Variants in NOC2L observed in about 807,000 individuals in gnomAD.
NOC2L encodes the protein NOC2 like nucleolar associated transcriptional repressor, also known as nucleolar complex protein 2 homolog.
Under a neutral mutation model 94.2 loss-of-function variants are expected in NOC2L, and 101 were observed. That is an observed-to-expected ratio of 1.07 (90% confidence interval 0.91 to 1.26). The LOEUF is 1.26. Among genes scored for constraint, NOC2L ranks in the 50% most tolerant of loss-of-function variants. The pLI is 0.00. For synonymous variants in NOC2L, 531 were observed against 413.4 expected (o/e 1.28, Z -3.45); for missense variants, 1,076 against 980.1 (o/e 1.10, Z -1.31).
At chr1:947,423 A>G (rs2340582) in intron 14 of NOC2L, among the ~76,000 whole-genome samples, 142,260 of 152,300 alleles carry the variant, frequency 0.93, 66,470 homozygotes, top group Non-Finnish European at 0.95. Flanking sequence ...CCTCTGACCA[A>G]TTGTGGCTCA....
Position 955,926 on chromosome 1 carries a change from C to T in NOC2L, c.695G>A (p.Ser232Asn), listed in dbSNP as rs1311726004. 1 of 1,598,384 alleles carries T rather than the reference C, an allele frequency of 6.3e-7. No individual in the cohort carries two copies. Among genetic ancestry groups the T allele is most frequent in the East Asian group, 2.3e-5 (1 of 44,386 alleles). ...CCTTCACCCCCTCCCCTCTTACCTG[C>T]TGCTATCCTTTGCCACCTTTCCAAA... is the stretch of plus-strand genomic sequence containing the variant. ...LLFGKVAKDS[S>N]RMLQPSSSPL... Residue 232 changes from serine to asparagine, a missense_variant, in exon 6 of 19, where the codon AGC becomes AAC. Ser to Asn is a conservative substitution (Grantham distance 46). Coordinates refer to ENST00000327044, the MANE Select transcript of NOC2L (RefSeq NM_015658.4).
chr1:958,629 A>C (rs919397801), intron 2 of NOC2L: 1 of 603,708 alleles, frequency 1.7e-6, no homozygotes. Context: ...CCTCCCCAGC[A>C]CTTATCTCTC....
intron 8 of NOC2L, 50 bp downstream of exon 8, chr1:953,732 G>A (rs1642321997): frequency 4.4e-6 from 6 of 1,363,390 alleles, no homozygotes; most frequent in South Asian, 1.2e-5. Flanking sequence ...GGGTAGCCGT[G>A]TGGCCCCCCG....
chr1:946,108 T>C (rs546317140), intron 16 of NOC2L, 65 bp downstream of exon 16: 7 of 1,197,956 alleles, frequency 5.8e-6, no homozygotes, highest in South Asian at 1.3e-5. Flanking sequence ...TCTCAAGTCA[T>C]AGTGCGCTAG....
chr1:944,986 C>CG (rs1642054002), intron 18 of NOC2L, 71 bp downstream of exon 18: 2 of 1,605,784 alleles, frequency 1.2e-6, no homozygotes, highest in Non-Finnish European at 8.5e-7. Context: ...CCACGCCCCC[C>CG]GCCCACGTGG....
In NOC2L at chr1:948,545, T is replaced by C; in HGVS notation, c.1502A>G (p.Asn501Ser). 1 of 1,613,660 alleles carries C rather than the reference T, an allele frequency of 6.2e-7. No homozygotes were observed. The highest frequency in any genetic ancestry group is 8.5e-7 in the Non-Finnish European group (1 of 1,179,970). ...GGACAGCTTCAGGATCACGGAGAAGTTGATGGGCTTGGAGCTCATGCGCCC... is the reference window on the plus strand; with the variant it reads ...GGACAGCTTCAGGATCACGGAGAAGCTGATGGGCTTGGAGCTCATGCGCCC... ...KPGRMSSKPI[N>S]FSVILKLSNV... The change falls in exon 13 of 19, where the codon AAC becomes AGC. Residue 501 changes from asparagine to serine, a missense_variant. Coordinates refer to ENST00000327044, the MANE Select transcript of NOC2L (RefSeq NM_015658.4).
At chr1:945,180 C>A in intron 17 of NOC2L, 34 bp from the exon 18 acceptor site, 1 of 1,561,224 alleles carries the variant, frequency 6.4e-7, no homozygotes, top group South Asian at 1.2e-5. Context: ...ATATGACTCC[C>A]ACCCACAGGG....
In NOC2L at chr1:959,255, GC is replaced by G. The variant is rs1557625345; in HGVS notation, c.-16del. On this transcript the variant is annotated 5_prime_UTR_variant, in exon 1 of 19. Transcript: ENST00000327044. ...GCAGCTGCCATGACACCAACCCGAA[GC>G]GTGCACCCCACTTCCGGCCCCAGAA... 1.2e-6 allele frequency: 2 copies of G among 1,602,462 alleles called. No individual in the cohort carries two copies. Among genetic ancestry groups the G allele is most frequent in the Admixed American group, 3.4e-5 (2 of 58,996 alleles).
chr1:956,190 T>A lies in NOC2L; in HGVS notation c.512A>T (p.His171Leu). ...TGCTCGGAACGCCTGTACCACTTCATGGAACAGCTTTGGAGTGAGGCGTTG... is the reference window on the plus strand; with the variant it reads ...TGCTCGGAACGCCTGTACCACTTCAAGGAACAGCTTTGGAGTGAGGCGTTG... ...AKQRLTPKLF[H>L]EVVQAFRAAV... is the part of the protein sequence containing the mutation. The change falls in exon 5 of 19, where the codon CAT (histidine) becomes CTT (leucine). Residue 171 changes from histidine (H) to leucine (L), a missense_variant. By Grantham distance (99) the His-to-Leu change is moderately conservative (BLOSUM62 -3). This residue lies in a region of NOC2L where 457 missense variants were observed against 386.0 expected (regional missense o/e 1.18). Coordinates refer to ENST00000327044, the MANE Select transcript of NOC2L (RefSeq NM_015658.4). The A allele has an allele frequency of 6.2e-7, 1 of 1,613,790 alleles. No individual in the cohort carries two copies. The highest frequency in any genetic ancestry group is 1.1e-5 in the South Asian group (1 of 91,078).
intron 11 of NOC2L, 35 bp from the exon 12 acceptor site, chr1:951,273 G>T: frequency 2.0e-6 from 3 of 1,474,618 alleles, no homozygotes; most frequent in Non-Finnish European, 2.8e-6. Flanking sequence ...CAGAGGCCCC[G>T]GCTCTGGCAG....
chr1:954,171 T>C (rs935202782), intron 6 of NOC2L, 89 bp from the exon 7 acceptor site: 4 of 1,272,684 alleles, frequency 3.1e-6, no homozygotes, highest in Admixed American at 4.0e-5. Context: ...CTGGCCAGCA[T>C]AGCCTCTACG....
chr1:958,984 C>T lies in NOC2L; in HGVS notation c.124G>A (p.Glu42Lys), dbSNP rs1642501155. Reference sequence around the variant, plus strand: ...GGACTCCGGGCAGCCTCGCGTGCTTCCCGTGTCTCCGCTTGTGGAGAATTT... The same window carrying T: ...GGACTCCGGGCAGCCTCGCGTGCTTTCCGTGTCTCCGCTTGTGGAGAATTT... Reference protein sequence around the residue: ...SENSPQAETREAREAARSPDK... With the variant: ...SENSPQAETRKAREAARSPDK... Residue 42 changes from glutamate (E) to lysine (K), a missense_variant, in exon 2 of 19, where the codon GAA (glutamate) becomes AAA (lysine). Physicochemically the swap from Glu to Lys is moderately conservative, Grantham distance 56. Around this residue, in one of 3 missense-constraint regions of NOC2L, gnomAD observed 457 missense variants for 386.0 expected, o/e 1.18. Coordinates refer to ENST00000327044, the MANE Select transcript of NOC2L (RefSeq NM_015658.4). 6.2e-7 allele frequency: 1 copy of T among 1,612,804 alleles called. No homozygotes were observed. The highest frequency in any genetic ancestry group is 1.3e-5 in the African/African-American group (1 of 75,078).
rs915487000 is a variant in NOC2L, at chr1:944,405, T to A, written c.*289A>T. ...GGAAGGGGCCAGGGGCCTGCAGGCC[T>A]CCCCCTGGAACTGGGACTGGTCTCG... is the stretch of plus-strand genomic sequence containing the variant. On this transcript the variant is annotated 3_prime_UTR_variant, in exon 19 of 19. Transcript: ENST00000327044. 12 of 1,184,914 alleles carry A rather than the reference T, an allele frequency of 1.0e-5. No homozygotes were observed. The African/African-American group carries it at 1.9e-4, about 19-fold the overall frequency. The allele number at this position is 1,184,914 out of a possible 1,614,324, so 73.4% of individuals were successfully genotyped here.
intron 3 of NOC2L, 29 bp from the exon 4 acceptor site, chr1:957,054 G>C (rs377180320): frequency 6.2e-7 from 1 of 1,614,044 alleles, no homozygotes; most frequent in Non-Finnish European, 8.5e-7. Context: ...CTGAAGGAGA[G>C]TGTAGAGACA....
At chr1:955,385 G>A (rs902909213) in intron 6 of NOC2L, among the ~76,000 whole-genome samples, 1 of 152,210 alleles carries the variant, frequency 6.6e-6, no homozygotes, top group Admixed American at 6.5e-5. Flanking sequence ...GCACAGCCCC[G>A]GAACCCCAAC....
At position 948,169 on chromosome 1, in the gene NOC2L, T is replaced by C. The variant is rs149625280; in HGVS notation, c.1621A>G (p.Ile541Val). 613 of 1,592,874 alleles carry C rather than the reference T, an allele frequency of 3.8e-4. 5 individuals carry two copies. Among genetic ancestry groups the C allele is most frequent in the South Asian group, 2.9e-3 (258 of 87,742 alleles). Residue 541 changes from isoleucine to valine, a missense_variant, in exon 14 of 19, where the codon ATC (isoleucine) becomes GTC (valine). This residue lies in a region of NOC2L where 615 missense variants were observed against 577.4 expected (regional missense o/e 1.07). Coordinates refer to ENST00000327044, the MANE Select transcript of NOC2L (RefSeq NM_015658.4). ...LEYLHSQAHC[I>V]GFPELVLPVV... Reference sequence around the variant, plus strand: ...GGCAGCACCAGCTCCGGGAAGCCGATGCAGTGTGCCTGGCTGTGCAGGTAC... The same window carrying C: ...GGCAGCACCAGCTCCGGGAAGCCGACGCAGTGTGCCTGGCTGTGCAGGTAC...
rs762712585 is a variant in NOC2L at position 956,992 on chromosome 1, C to T, written c.388G>A (p.Gly130Arg). ...ASEEEDGAEEGEDGDRVPRGL... is the reference protein window; with the variant it reads ...ASEEEDGAEEREDGDRVPRGL... The stretch of plus-strand genomic sequence containing the variant: ...CTGGGGACTCTGTCCCCATCTTCTC[C>T]TTCCTCCGCTCCATCCTCCTCCTCA... Residue 130 changes from glycine (G) to arginine (R), a missense_variant, in exon 4 of 19, where the codon GGA (glycine) becomes AGA (arginine). Coordinates refer to ENST00000327044, the MANE Select transcript of NOC2L (RefSeq NM_015658.4). The T allele has an allele frequency of 3.1e-6, 5 of 1,614,112 alleles. No individual in the cohort carries two copies. In the South Asian group the frequency reaches 3.3e-5, roughly 11 times the overall value.
intron 3 of NOC2L, 27 bp from the exon 4 acceptor site, chr1:957,052 G>C (rs771998768): frequency 3.7e-6 from 6 of 1,614,058 alleles, no homozygotes; most frequent in South Asian, 2.2e-5. Context: ...AGCTGAAGGA[G>C]AGTGTAGAGA....
In NOC2L at chr1:957,152, C is replaced by T. The variant is rs764948090; in HGVS notation, c.301G>A (p.Asp101Asn). ...GGCCCCTCTTCCTCCTCAGAGCTGT[C>T]CGAGTCGCTGAAGTTTAGCAGGCTC... ...DQSLLNFSDS[D>N]SSEEEEGPFH... The change falls in exon 3 of 19, where the codon GAC (aspartate) becomes AAC (asparagine). Residue 101 changes from aspartate to asparagine, a missense_variant. Coordinates refer to ENST00000327044, the MANE Select transcript of NOC2L (RefSeq NM_015658.4). The T allele has an allele frequency of 6.2e-7, 1 of 1,614,076 alleles. No homozygotes were observed. The highest frequency in any genetic ancestry group is 8.5e-7 in the Non-Finnish European group (1 of 1,180,038).
Sources: allele counts gnomAD v4.1 joint callset (sites outside exome capture counted in the v4.1 genomes callset), GRCh38; gene constraint gnomAD v4.1.1; regional missense constraint gnomAD v4.1.1; transcripts MANE v1.5; gene names NCBI Gene and HGNC (gene_info 2026-07-23, HGNC 2026-07-21).